The following CSNK1A1 variants were observed in gnomAD, a reference collection of about 807,000 sequenced individuals.
CSNK1A1 encodes casein kinase 1 alpha 1.
CSNK1A1 carries 7 observed loss-of-function variants against 46.1 expected under a neutral mutation model. That is an observed-to-expected ratio of 0.15 (90% CI 0.09 to 0.29). CSNK1A1 has a LOEUF of 0.29. Among genes scored for constraint, CSNK1A1 ranks in the 10% least tolerant of loss-of-function variants. The pLI, the probability that CSNK1A1 is intolerant of heterozygous loss-of-function variation, is 1.00. For synonymous variants in CSNK1A1, 137 were observed against 141.5 expected (o/e 0.97, Z 0.23); for missense variants, 96 against 417.1 (o/e 0.23, Z 6.71).
chr5:149,549,410 G>A, intron 2 of CSNK1A1: 1 of 695,564 alleles, frequency 1.4e-6, no homozygotes, highest in Middle Eastern at 2.3e-4. Context: ...ATCTGCTGCA[G>A]AGATCACAAA....
intron 9 of CSNK1A1, chr5:149,504,625 A>T (rs1760969652): frequency 8.1e-6 from 8 of 985,424 alleles, no homozygotes; most frequent in Non-Finnish European, 9.6e-6. Context: ...AAGAGTGCCA[A>T]AGAAAAGTAG....
At chr5:149,549,848 G>A (rs994449322) in intron 2 of CSNK1A1, among the ~76,000 whole-genome samples, 2 of 152,330 alleles carry the variant, frequency 1.3e-5, no homozygotes, top group Middle Eastern at 3.4e-3. Flanking sequence ...CGGGAAGAGT[G>A]AGAATGACGG....
Position 149,525,196 on chromosome 5 carries a change from G to A in CSNK1A1, c.231-25C>T, listed in dbSNP as rs1253525880. On this transcript the variant is annotated intron_variant, in intron 2 of 9. Transcript: ENST00000377843. This position sits in a 1 kb window ranked among gnomAD's most constrained non-coding sequence, Gnocchi z 4.2. ...CCTAACGAAACAAAAGGAGAAGAGA[G>A]GATATTACAAAAAGCTATTACTTAA... 1 of 1,570,022 alleles carries A rather than the reference G, an allele frequency of 6.4e-7. No individual in the cohort carries two copies. Among genetic ancestry groups the A allele is most frequent in the Admixed American group, 2.0e-5 (1 of 50,064 alleles).
intron 3 of CSNK1A1, among the ~76,000 whole-genome samples, chr5:149,521,269 T>C (rs112479027): frequency 6.3e-4 from 94 of 148,710 alleles, no homozygotes; most frequent in African/African-American, 2.1e-3. Context: ...GATTTACTCT[T>C]CTTTTTTTTT....
At chr5:149,540,577 C>A (rs1375953224) in intron 2 of CSNK1A1, among the ~76,000 whole-genome samples, 1 of 152,100 alleles carries the variant, frequency 6.6e-6, no homozygotes, top group Non-Finnish European at 1.5e-5. Flanking sequence ...GTAAAACCAA[C>A]ACCAAAATAA....
rs1221189264 is a variant in CSNK1A1, at chr5:149,517,703, TAAAAC to T, written c.456+2582_456+2586del. The T allele has an allele frequency of 6.8e-5, 59 of 863,408 alleles. No individual in the cohort carries two copies. The highest frequency in any genetic ancestry group is 9.0e-5 in the Non-Finnish European group (49 of 541,876). 53.5% of individuals were successfully genotyped at this position (863,408 alleles called of 1,614,324 possible). On this transcript the variant is annotated intron_variant, in intron 4 of 9. Coordinates refer to ENST00000377843, the MANE Select transcript of CSNK1A1 (RefSeq NM_001892.6). The surrounding 1 kb of genome is among the most constrained non-coding windows in gnomAD (Gnocchi z 4.4). ...GAGCAAGATCTACATTCTCCAGAAT[TAAAAC>T]AAAACAAAAATCATCAAAATAAAAC...
In CSNK1A1 at chr5:149,519,932, T is replaced by C. The variant is rs137996841; in HGVS notation, c.456+358A>G. ...CACTTCAGAGCCAAAGGTTAAAATCTGGTTTTAAGCATTCAGGAAGAAAAG... is the reference window on the plus strand; with the variant it reads ...CACTTCAGAGCCAAAGGTTAAAATCCGGTTTTAAGCATTCAGGAAGAAAAG... On this transcript the variant is annotated intron_variant, in intron 4 of 9. Coordinates refer to ENST00000377843, the MANE Select transcript of CSNK1A1 (RefSeq NM_001892.6). Among the ~76,000 whole-genome samples the C allele has an allele frequency of 9.4e-4, 143 of 152,342 alleles. 3 individuals carry two copies. In the East Asian group the frequency reaches 0.026, roughly 27 times the overall value.
At chr5:149,549,543 G>A in intron 2 of CSNK1A1, 1 of 701,114 alleles carries the variant, frequency 1.4e-6, no homozygotes, top group South Asian at 1.5e-5. Context: ...AGCATAATTT[G>A]TGAACTCAAG....
chr5:149,511,469 T>A (rs553168718), intron 6 of CSNK1A1, among the ~76,000 whole-genome samples: 1 of 152,274 alleles, frequency 6.6e-6, no homozygotes, highest in East Asian at 1.9e-4. Flanking sequence ...AAACATACAT[T>A]TTCAACATAA....
At position 149,525,041 on chromosome 5, in the gene CSNK1A1, A is replaced by C; in HGVS notation, c.357+4T>G. On this transcript the variant is annotated splice_donor_region_variant and intron_variant, in intron 3 of 9. Transcript: ENST00000377843. The surrounding 1 kb of genome is among the most constrained non-coding windows in gnomAD (Gnocchi z 4.2). ...GTTTATATTCTAATCAAAATTTCAC[A>C]TACCTGGTCAGCTAACATAAGTACA... The C allele has an allele frequency of 6.2e-7, 1 of 1,604,780 alleles. No homozygotes were observed. Among genetic ancestry groups the C allele is most frequent in the Non-Finnish European group, 8.5e-7 (1 of 1,176,748 alleles).
At chr5:149,521,084 C>T (rs990647548) in intron 3 of CSNK1A1, among the ~76,000 whole-genome samples, 7 of 152,104 alleles carry the variant, frequency 4.6e-5, no homozygotes, top group African/African-American at 1.7e-4. Flanking sequence ...TTGTTTTCCA[C>T]TTTTTCCTAC....
At chr5:149,531,674 C>G (rs1489756552) in intron 2 of CSNK1A1, among the ~76,000 whole-genome samples, 1 of 146,956 alleles carries the variant, frequency 6.8e-6, no homozygotes, top group South Asian at 2.2e-4. Flanking sequence ...ATGGCAAAAC[C>G]CTGTCTCTAC....
chr5:149,518,437 CT>C (rs911560256), intron 4 of CSNK1A1, among the ~76,000 whole-genome samples: 13 of 151,982 alleles, frequency 8.6e-5, no homozygotes, highest in African/African-American at 3.1e-4. Context: ...CCCCCAAAAC[CT>C]TTTTTTCCCC....
chr5:149,495,757 A>AG lies in CSNK1A1; in HGVS notation c.*1095_*1096insC, dbSNP rs1417914711. 6.6e-5 allele frequency: 10 copies of AG among 152,010 alleles called. 1 individual carries two copies. The highest frequency in any genetic ancestry group is 1.2e-4 in the African/African-American group (5 of 41,342). 9.4% of individuals were successfully genotyped at this position (152,010 alleles called of 1,614,324 possible). A position where few individuals can be genotyped will look rare whatever the true frequency, so the allele number is the denominator to read the frequency against. On this transcript the variant is annotated 3_prime_UTR_variant, in exon 10 of 10. Transcript: ENST00000377843. Reference sequence around the variant, plus strand: ...GCCTGCAAGTCATAAAAAAAAAAAAAAAAAAAGAAAAAAATGAAAGAATGC... The same window carrying AG: ...GCCTGCAAGTCATAAAAAAAAAAAAAGAAAAAAGAAAAAAATGAAAGAATGC...
At chr5:149,544,795 C>T (rs1762418106) in intron 2 of CSNK1A1, among the ~76,000 whole-genome samples, 1 of 133,484 alleles carries the variant, frequency 7.5e-6, no homozygotes, top group Non-Finnish European at 1.5e-5. Flanking sequence ...ATTGGTGAAG[C>T]TTCCAGTGAA....
chr5:149,539,796 G>A (rs1391279505), intron 2 of CSNK1A1, among the ~76,000 whole-genome samples: 1 of 151,982 alleles, frequency 6.6e-6, no homozygotes, highest in Non-Finnish European at 1.5e-5. Flanking sequence ...GAAAGATGCA[G>A]TAGGACCTGT....
intron 2 of CSNK1A1, among the ~76,000 whole-genome samples, chr5:149,542,604 A>G (rs1298702707): frequency 1.3e-3 from 9 of 6,888 alleles, no homozygotes; most frequent in African/African-American, 4.5e-3. Flanking sequence ...ATATATATAT[A>G]TATATATATA....
chr5:149,505,222 C>T (rs1561752403), intron 9 of CSNK1A1: 3 of 1,192,738 alleles, frequency 2.5e-6, no homozygotes, highest in African/African-American at 1.6e-5. Flanking sequence ...TATAAATATA[C>T]ACACATATAT....
In CSNK1A1 at chr5:149,525,594, T is replaced by A. The variant is rs1761705487; in HGVS notation, c.231-423A>T. ...AAGATTTCTTTTATCTGAACTTCGA[T>A]TCCAGTTCCTACCAAATTGCATTTA... On this transcript the variant is annotated intron_variant, in intron 2 of 9. Coordinates refer to ENST00000377843, the MANE Select transcript of CSNK1A1 (RefSeq NM_001892.6). This position sits in a 1 kb window ranked among gnomAD's most constrained non-coding sequence, Gnocchi z 4.2. Among the ~76,000 whole-genome samples the A allele has an allele frequency of 6.6e-6, 1 of 152,222 alleles. No homozygotes were observed. The highest frequency in any genetic ancestry group is 2.4e-5 in the African/African-American group (1 of 41,462).
Sources: allele counts gnomAD v4.1 joint callset (sites outside exome capture counted in the v4.1 genomes callset), GRCh38; gene constraint gnomAD v4.1.1; non-coding constraint Gnocchi (gnomAD v3.1); transcripts MANE v1.5; gene names NCBI Gene and HGNC (gene_info 2026-07-23, HGNC 2026-07-21).